Variants in CNTNAP2 observed in about 807,000 individuals in gnomAD.
CNTNAP2 encodes the protein contactin-associated protein-like 2.
CNTNAP2 carries 98 observed loss-of-function variants against 155.2 expected under a neutral mutation model. The observed-to-expected ratio is 0.63, with a 90% CI of 0.54 to 0.75. The LOEUF is 0.75. CNTNAP2 is among the 30% of genes least tolerant of loss of function. CNTNAP2 has a pLI of 0.00. For synonymous variants in CNTNAP2, 651 were observed against 631.2 expected, an observed-to-expected ratio of 1.03 and a Z score of -0.47; for missense variants, 1,727 against 1,688.1, an observed-to-expected ratio of 1.02 and a Z score of -0.40.
intron 12 of CNTNAP2, among the ~76,000 whole-genome samples, chr7:147,635,985 T>A (rs10275470): frequency 6.6e-6 from 1 of 152,082 alleles, no homozygotes; most frequent in Non-Finnish European, 1.5e-5. Context: ...TCAAAACCAA[T>A]CTAATTTAAT....
intron 4 of CNTNAP2, among the ~76,000 whole-genome samples, chr7:147,101,800 C>G (rs1219312892): frequency 1.3e-5 from 2 of 152,260 alleles, no homozygotes; most frequent in African/African-American, 2.4e-5. Flanking sequence ...TGCCGCTCTT[C>G]TGTTCTACTG....
intron 8 of CNTNAP2, among the ~76,000 whole-genome samples, chr7:147,245,688 G>A (rs1414011853): frequency 2.0e-5 from 3 of 148,304 alleles, no homozygotes; most frequent in South Asian, 4.2e-4. Flanking sequence ...ACAAAAGTTA[G>A]CGTGGCATGT....
chr7:146,657,060 A>G (rs944860671), intron 1 of CNTNAP2, among the ~76,000 whole-genome samples: 2 of 151,868 alleles, frequency 1.3e-5, no homozygotes, highest in Non-Finnish European at 2.9e-5. Flanking sequence ...TCTTTTTGTC[A>G]TCTCTCTCTC....
intron 21 of CNTNAP2, among the ~76,000 whole-genome samples, chr7:148,360,545 C>CAAAAGTAAACACTTTTAAAAACTT (rs1798599839): frequency 6.6e-6 from 1 of 151,830 alleles, no homozygotes; most frequent in Admixed American, 6.6e-5. Context: ...TTTTTAAACT[C>CAAAAGTAAACACTTTTAAAAACTT]AAAAGTAAAC....
At chr7:147,538,848 G>A (rs925522683) in intron 11 of CNTNAP2, among the ~76,000 whole-genome samples, 14 of 152,102 alleles carry the variant, frequency 9.2e-5, no homozygotes, top group Non-Finnish European at 1.5e-4. Context: ...ATTGTTAAGG[G>A]AGAAAAGCAT....
chr7:148,025,181 T>C (rs1213203230), intron 15 of CNTNAP2, among the ~76,000 whole-genome samples: 1 of 152,204 alleles, frequency 6.6e-6, no homozygotes, highest in Non-Finnish European at 1.5e-5. Context: ...GATTTGTAAC[T>C]TCTCCAACTG....
At position 146,856,814 on chromosome 7, in the gene CNTNAP2, G is replaced by A. The variant is rs149493829; in HGVS notation, c.402+16910G>A. Among the ~76,000 whole-genome samples, 27 of 152,180 alleles carry A rather than the reference G, an allele frequency of 1.8e-4. No homozygotes were observed. The East Asian group carries it at 5.0e-3, about 28-fold the overall frequency. On this transcript the variant is annotated intron_variant, in intron 3 of 23. Coordinates refer to ENST00000361727, the MANE Select transcript of CNTNAP2 (RefSeq NM_014141.6). ...ACCAAAATTGAAGAATATTCTATGA[G>A]GAATGTTCTACTAAAAAGATAAAGG...
At chr7:148,038,031 T>C (rs542283563) in intron 15 of CNTNAP2, among the ~76,000 whole-genome samples, 2 of 152,342 alleles carry the variant, frequency 1.3e-5, no homozygotes, top group South Asian at 4.1e-4. Context: ...TACTGTACAA[T>C]TGTAGGACTT....
intron 1 of CNTNAP2, among the ~76,000 whole-genome samples, chr7:146,376,560 T>C (rs995268648): frequency 2.6e-5 from 4 of 152,218 alleles, no homozygotes; most frequent in African/African-American, 9.6e-5. Flanking sequence ...TATTTTTATT[T>C]TCTGTTATTT....
intron 9 of CNTNAP2, among the ~76,000 whole-genome samples, chr7:147,349,031 A>T (rs1795926252): frequency 6.6e-6 from 1 of 151,936 alleles, no homozygotes; most frequent in South Asian, 2.1e-4. Context: ...AAGGATACAA[A>T]ACTATAGCTA....
chr7:146,753,568 T>C (rs1247119680), intron 1 of CNTNAP2, among the ~76,000 whole-genome samples: 1 of 152,096 alleles, frequency 6.6e-6, no homozygotes, highest in African/African-American at 2.4e-5. Flanking sequence ...CTCAATTGTA[T>C]GCAAGTTAGA....
intron 9 of CNTNAP2, among the ~76,000 whole-genome samples, chr7:147,329,502 G>C (rs1033593938): frequency 2.6e-5 from 4 of 152,230 alleles, no homozygotes; most frequent in South Asian, 4.1e-4. Flanking sequence ...ACTGAATGTT[G>C]TAAGCAGCTA....
At chr7:146,326,781 C>T (rs1006367453) in intron 1 of CNTNAP2, among the ~76,000 whole-genome samples, 1 of 152,146 alleles carries the variant, frequency 6.6e-6, no homozygotes, top group African/African-American at 2.4e-5. Context: ...TTTACTATCA[C>T]CTTTGTGATA....
chr7:148,348,989 ATAT>A (rs1365657817), intron 21 of CNTNAP2, among the ~76,000 whole-genome samples: 1 of 97,128 alleles, frequency 1.0e-5, no homozygotes, highest in Non-Finnish European at 2.1e-5. Flanking sequence ...CTGGAAATAG[ATAT>A]TATTTTTAAT....
At chr7:146,734,482 T>C (rs1318910867) in intron 1 of CNTNAP2, among the ~76,000 whole-genome samples, 1 of 151,622 alleles carries the variant, frequency 6.6e-6, no homozygotes, top group Non-Finnish European at 1.5e-5. Flanking sequence ...TAAGAAGGAA[T>C]GATGATATTA....
intron 1 of CNTNAP2, among the ~76,000 whole-genome samples, chr7:146,193,043 A>G (rs1230311344): frequency 1.3e-5 from 2 of 152,232 alleles, no homozygotes; most frequent in African/African-American, 2.4e-5. Context: ...CTTTGACTCC[A>G]TGTCTCACAT....
chr7:146,775,488 A>G (rs998152848), intron 2 of CNTNAP2, among the ~76,000 whole-genome samples: 3 of 151,990 alleles, frequency 2.0e-5, no homozygotes, highest in Non-Finnish European at 4.4e-5. Flanking sequence ...TCATAAAACA[A>G]TCTAGAATCA....
chr7:147,370,750 T>C (rs2116914110), intron 9 of CNTNAP2, among the ~76,000 whole-genome samples: 1 of 152,302 alleles, frequency 6.6e-6, no homozygotes, highest in Non-Finnish European at 1.5e-5. Context: ...ACCAATGTTC[T>C]ATTAGATGAG....
At chr7:147,474,158 G>C (rs1475459533) in intron 10 of CNTNAP2, among the ~76,000 whole-genome samples, 1 of 152,014 alleles carries the variant, frequency 6.6e-6, no homozygotes, top group Non-Finnish European at 1.5e-5. Context: ...GGGATAAAGG[G>C]ACCTACACAG....
Sources: gnomAD v4.1 joint callset for allele counts (sites outside exome capture counted in the v4.1 genomes callset) on GRCh38, gnomAD v4.1.1 for gene constraint, MANE v1.5 for transcripts, NCBI Gene and HGNC (gene_info 2026-07-23, HGNC 2026-07-21) for gene names.